Variants in ATG10 observed in about 807,000 individuals in gnomAD.
ATG10 encodes autophagy related 10.
Under a neutral mutation model 32.1 loss-of-function variants are expected in ATG10, and 30 were observed. The observed-to-expected ratio is 0.94, with a 90% CI of 0.70 to 1.27. ATG10 has a LOEUF of 1.27. Ranked by LOEUF, ATG10 falls within the 50% of genes most tolerant of loss-of-function variation. The pLI is 0.00. For synonymous variants in ATG10, 87 were observed against 91.5 expected (o/e 0.95, Z 0.28); for missense variants, 233 against 262.3 (o/e 0.89, Z 0.77).
chr5:82,057,975 C>A (rs563782057), intron 2 of ATG10, among the ~76,000 whole-genome samples: 2 of 152,050 alleles, frequency 1.3e-5, no homozygotes, highest in Admixed American at 1.3e-4. Flanking sequence ...TGGAAATGAC[C>A]GCTGTGTAAG....
Position 82,096,995 on chromosome 5 carries a change from C to G in ATG10, c.216+38393C>G, listed in dbSNP as rs1273327248. On this transcript the variant is annotated intron_variant, in intron 3 of 7. Transcript: ENST00000282185. ...GGTTAAGGTCAATTAGCTCCATTTG[C>G]TTAGTAGTGTGTGCATTGTGAAGCA... 3.9e-5 allele frequency among the ~76,000 whole-genome samples: 6 copies of G among 152,174 alleles called. No homozygotes were observed. In the East Asian group the frequency reaches 7.7e-4, roughly 20 times the overall value.
chr5:81,996,267 A>G (rs2149678634), intron 2 of ATG10, among the ~76,000 whole-genome samples: 1 of 152,324 alleles, frequency 6.6e-6, no homozygotes, highest in African/African-American at 2.4e-5. Context: ...TGCTAAGGTC[A>G]GTGCTTAGGT....
intron 5 of ATG10, among the ~76,000 whole-genome samples, chr5:82,230,052 C>G (rs1210550855): frequency 6.6e-6 from 1 of 152,144 alleles, no homozygotes; most frequent in East Asian, 1.9e-4. Context: ...GTTGCCCAAC[C>G]CCATCCCGAG....
At position 82,032,726 on chromosome 5, in the gene ATG10, A is replaced by G. The variant is rs1283460947; in HGVS notation, c.109-25769A>G. Among the ~76,000 whole-genome samples the G allele has an allele frequency of 2.0e-5, 3 of 150,962 alleles. No individual in the cohort carries two copies. The East Asian group carries it at 5.8e-4, about 29-fold the overall frequency. On this transcript the variant is annotated intron_variant, in intron 2 of 7. Coordinates refer to ENST00000282185, the MANE Select transcript of ATG10 (RefSeq NM_031482.5). ...GGATTTGACTTCAAAACTTCTTCCTATGCCTTTATATATATTGTTATTATA... is the reference window on the plus strand; with the variant it reads ...GGATTTGACTTCAAAACTTCTTCCTGTGCCTTTATATATATTGTTATTATA...
At chr5:82,234,551 T>C (rs561012667) in intron 5 of ATG10, among the ~76,000 whole-genome samples, 19 of 152,266 alleles carry the variant, frequency 1.2e-4, no homozygotes, top group African/African-American at 4.3e-4. Flanking sequence ...TGTCATTTCC[T>C]CTGTGTATAT....
At chr5:82,068,784 A>G (rs1764028112) in intron 3 of ATG10, among the ~76,000 whole-genome samples, 1 of 147,934 alleles carries the variant, frequency 6.8e-6, no homozygotes, top group Non-Finnish European at 1.5e-5. Context: ...AAAAAAAGAC[A>G]ATAGGTTGTT....
chr5:82,140,644 TGAG>T (rs1347304298), intron 3 of ATG10, among the ~76,000 whole-genome samples: 1 of 40,314 alleles, frequency 2.5e-5, no homozygotes, highest in African/African-American at 9.0e-5. Flanking sequence ...GTCCGGGAGG[TGAG>T]GGGCGCCTCT....
chr5:82,092,439 CT>C (rs1382044396), intron 3 of ATG10, among the ~76,000 whole-genome samples: 2 of 152,126 alleles, frequency 1.3e-5, no homozygotes. Context: ...CATCTCAAAG[CT>C]TAATGGCTTG....
chr5:82,015,769 C>T (rs771689985), intron 2 of ATG10, among the ~76,000 whole-genome samples: 3 of 152,150 alleles, frequency 2.0e-5, no homozygotes, highest in Non-Finnish European at 4.4e-5. Flanking sequence ...GTGATGGGTT[C>T]GAACTTCCTC....
intron 5 of ATG10, among the ~76,000 whole-genome samples, chr5:82,188,627 C>T (rs1000370884): frequency 1.3e-5 from 2 of 151,382 alleles, no homozygotes; most frequent in African/African-American, 4.9e-5. Context: ...ATGGCGGGTA[C>T]ACAATAAAGC....
intron 3 of ATG10, among the ~76,000 whole-genome samples, chr5:82,108,289 T>G (rs1935119723): frequency 6.6e-6 from 1 of 152,014 alleles, no homozygotes; most frequent in African/African-American, 2.4e-5. Flanking sequence ...ATGGTTGTAG[T>G]AATACCTTTC....
At chr5:82,095,042 T>G (rs988782253) in intron 3 of ATG10, among the ~76,000 whole-genome samples, 1 of 152,188 alleles carries the variant, frequency 6.6e-6, no homozygotes, top group Non-Finnish European at 1.5e-5. Context: ...ATATTAATAG[T>G]GAGCATGTAT....
intron 2 of ATG10, among the ~76,000 whole-genome samples, chr5:82,056,634 T>C (rs1428394858): frequency 6.6e-6 from 1 of 152,142 alleles, no homozygotes; most frequent in African/African-American, 2.4e-5. Flanking sequence ...CTGTAATCAT[T>C]TGTCCTCCAG....
intron 3 of ATG10, among the ~76,000 whole-genome samples, chr5:82,076,256 A>G (rs968845771): frequency 6.6e-6 from 1 of 152,174 alleles, no homozygotes; most frequent in African/African-American, 2.4e-5. Context: ...GGAAAATACA[A>G]GTATTTTTAC....
chr5:82,109,857 G>C (rs1181777201), intron 3 of ATG10, among the ~76,000 whole-genome samples: 1 of 151,376 alleles, frequency 6.6e-6, no homozygotes, highest in Admixed American at 6.6e-5. Context: ...ACAATGTGCA[G>C]GTTTGTTACA....
intron 4 of ATG10, among the ~76,000 whole-genome samples, chr5:82,168,070 T>G (rs1486097725): frequency 7.0e-6 from 1 of 143,630 alleles, no homozygotes; most frequent in African/African-American, 2.7e-5. Context: ...GTGCATGCTG[T>G]TTTTTTTTTC....
At position 82,143,361 on chromosome 5, in the gene ATG10, G is replaced by A. The variant is rs571835249; in HGVS notation, c.217-21038G>A. Among the ~76,000 whole-genome samples, 13 of 152,246 alleles carry A rather than the reference G, an allele frequency of 8.5e-5. No individual in the cohort carries two copies. In the South Asian group the frequency reaches 2.5e-3, roughly 29 times the overall value. Reference sequence around the variant, plus strand: ...TGAATAAGCCCAGCACAGAACGGTCGTTAGAGTCATGGGAGGATGTTGGAG... The same window carrying A: ...TGAATAAGCCCAGCACAGAACGGTCATTAGAGTCATGGGAGGATGTTGGAG... On this transcript the variant is annotated intron_variant, in intron 3 of 7. Coordinates refer to ENST00000282185, the MANE Select transcript of ATG10 (RefSeq NM_031482.5).
intron 5 of ATG10, among the ~76,000 whole-genome samples, chr5:82,211,613 T>G (rs1457311522): frequency 1.3e-5 from 2 of 152,242 alleles, no homozygotes; most frequent in Non-Finnish European, 2.9e-5. Context: ...CCCCTGCACC[T>G]TCTCTTTCCT....
intron 3 of ATG10, among the ~76,000 whole-genome samples, chr5:82,084,002 G>T (rs1445904664): frequency 6.6e-6 from 1 of 152,168 alleles, no homozygotes; most frequent in African/African-American, 2.4e-5. Context: ...AGAGAAGAAG[G>T]CTTCAGACGA....
Sources: allele counts gnomAD v4.1 joint callset (sites outside exome capture counted in the v4.1 genomes callset), GRCh38; gene constraint gnomAD v4.1.1; transcripts MANE v1.5; gene names NCBI Gene and HGNC (gene_info 2026-07-23, HGNC 2026-07-21).